Variants in EXOC5 observed in about 807,000 individuals in gnomAD.
EXOC5 encodes the protein exocyst complex component 5, also known as SEC10-like 1.
Under a neutral mutation model 90.8 loss-of-function variants are expected in EXOC5, and 17 were observed. The observed-to-expected ratio is 0.19, with a 90% CI of 0.13 to 0.28. EXOC5 has a LOEUF of 0.28. Among genes scored for constraint, EXOC5 ranks in the 10% least tolerant of loss-of-function variants. The pLI is 1.00. For missense variants in EXOC5, 569 were observed against 830.6 expected, an observed-to-expected ratio of 0.69 and a Z score of 3.87; for synonymous variants, 260 against 270.0, an observed-to-expected ratio of 0.96 and a Z score of 0.36.
intron 1 of EXOC5, among the ~76,000 whole-genome samples, chr14:57,260,226 A>T (rs1328626663): frequency 6.6e-6 from 1 of 152,316 alleles, no homozygotes; most frequent in Middle Eastern, 3.4e-3. Context: ...TTAAAAAAGC[A>T]CCACAAAATA....
Position 57,249,409 on chromosome 14 carries a change from T to C in EXOC5, c.28-1697A>G, listed in dbSNP as rs552342986. ...AATCATAGTTTTCAATTAAACACGT[T>C]ATACTGTTCATCAATTTTAATATAT... On this transcript the variant is annotated intron_variant, in intron 1 of 17. Transcript: ENST00000621441. Among the ~76,000 whole-genome samples, 4 of 146,834 alleles carry C rather than the reference T, an allele frequency of 2.7e-5. No homozygotes were observed. The South Asian group carries it at 6.3e-4, about 23-fold the overall frequency.
intron 16 of EXOC5, 35 bp from the exon 17 acceptor site, chr14:57,209,817 T>A: frequency 6.9e-7 from 1 of 1,444,912 alleles, no homozygotes. Context: ...TACACAGGAA[T>A]GTATACCAGC....
At chr14:57,246,673 G>A in intron 3 of EXOC5, 38 bp downstream of exon 3, 2 of 1,530,488 alleles carry the variant, frequency 1.3e-6, no homozygotes, top group Non-Finnish European at 1.8e-6. Context: ...AGATATTATA[G>A]CCTATATAAA....
intron 15 of EXOC5, among the ~76,000 whole-genome samples, chr14:57,215,586 G>GA (rs372125020): frequency 0.011 from 1,518 of 142,154 alleles, 23 homozygotes; most frequent in African/African-American, 0.033. Context: ...CTGATGATGT[G>GA]AAAAAAAAAA....
chr14:57,241,317 C>G (rs1440238942), intron 4 of EXOC5, among the ~76,000 whole-genome samples: 2 of 152,168 alleles, frequency 1.3e-5, no homozygotes, highest in East Asian at 3.8e-4. Flanking sequence ...TTTTCAACTA[C>G]CAAACACTCA....
rs1882703224 is a variant in EXOC5 at position 57,207,776 on chromosome 14, T to C, written c.*833A>G. 1 of 152,104 alleles carries C rather than the reference T, an allele frequency of 6.6e-6. No individual in the cohort carries two copies. Among genetic ancestry groups the C allele is most frequent in the Non-Finnish European group, 1.5e-5 (1 of 67,994 alleles). The allele number at this position is 152,104 out of a possible 1,614,324, so 9.4% of individuals were successfully genotyped here. A position where few individuals can be genotyped will look rare whatever the true frequency, so the allele number is the denominator to read the frequency against. On this transcript the variant is annotated 3_prime_UTR_variant, in exon 18 of 18. Coordinates refer to ENST00000621441, the MANE Select transcript of EXOC5 (RefSeq NM_006544.4). ...CCATTTAGACTATACCTCACTTTTT[T>C]TTACTTCCCTTATAATATTAAAATA...
intron 15 of EXOC5, among the ~76,000 whole-genome samples, chr14:57,215,412 T>TAAAA (rs3048723): frequency 2.1e-5 from 3 of 144,960 alleles, no homozygotes; most frequent in African/African-American, 7.5e-5. Context: ...AATAAAGATG[T>TAAAA]AAAAAAAAAA....
chr14:57,244,627 T>TA (rs995863089), intron 3 of EXOC5, among the ~76,000 whole-genome samples: 1 of 152,042 alleles, frequency 6.6e-6, no homozygotes, highest in African/African-American at 2.4e-5. Context: ...CATCCTGTTT[T>TA]AAAAAAACAC....
Position 57,246,805 on chromosome 14 carries a change from C to T in EXOC5, c.176G>A (p.Arg59Lys), listed in dbSNP as rs749602548. ...HIQELQIMDE[R>K]IQRKVEKLEQ... ...TAGTTTCTCTACTTTCCTCTGAATC[C>T]TTTCATCCATTATCTGGAGTTCCTG... The change falls in exon 3 of 18, where the codon AGG (arginine) becomes AAG (lysine). Residue 59 changes from arginine to lysine, a missense_variant. Around this residue, in one of 9 missense-constraint regions of EXOC5, gnomAD observed 45 missense variants for 44.6 expected, o/e 1.01. Coordinates refer to ENST00000621441, the MANE Select transcript of EXOC5 (RefSeq NM_006544.4). The T allele has an allele frequency of 1.2e-6, 2 of 1,602,044 alleles. No homozygotes were observed. The highest frequency in any genetic ancestry group is 1.7e-6 in the Non-Finnish European group (2 of 1,172,242).
chr14:57,262,432 C>T (rs1401791723), intron 1 of EXOC5, among the ~76,000 whole-genome samples: 2 of 151,794 alleles, frequency 1.3e-5, no homozygotes, highest in Non-Finnish European at 2.9e-5. Context: ...TCCTAAACTG[C>T]TATGTCTAAC....
At chr14:57,252,391 A>C (rs1884221811) in intron 1 of EXOC5, among the ~76,000 whole-genome samples, 1 of 152,178 alleles carries the variant, frequency 6.6e-6, no homozygotes, top group South Asian at 2.1e-4. Flanking sequence ...TACAAACTAT[A>C]CATCTGATAA....
intron 1 of EXOC5, among the ~76,000 whole-genome samples, chr14:57,262,060 T>C (rs1438920797): frequency 4.6e-5 from 7 of 152,164 alleles, no homozygotes; most frequent in Non-Finnish European, 8.8e-5. Context: ...AATCTCCTAC[T>C]TCTTGGATCA....
At position 57,268,753 on chromosome 14, in the gene EXOC5, G is replaced by A. The variant is rs1328696409; in HGVS notation, c.-105C>T. The A allele has an allele frequency of 6.8e-7, 1 of 1,469,984 alleles. No individual in the cohort carries two copies. 91.1% of individuals were successfully genotyped at this position (1,469,984 alleles called of 1,614,324 possible). A position where few individuals can be genotyped will look rare whatever the true frequency, so the allele number is the denominator to read the frequency against. ...GTCTCCGCTCGGCTCGCCAGCTCCG[G>A]CTCCGGGCCGCTGCGGGCTCCCCAG... On this transcript the variant is annotated 5_prime_UTR_variant, in exon 1 of 18. Coordinates refer to ENST00000621441, the MANE Select transcript of EXOC5 (RefSeq NM_006544.4).
chr14:57,257,705 T>A (rs1884392364), intron 1 of EXOC5, among the ~76,000 whole-genome samples: 1 of 151,966 alleles, frequency 6.6e-6, no homozygotes, highest in Non-Finnish European at 1.5e-5. Context: ...AATAAAAATT[T>A]AAAAATTCTG....
intron 1 of EXOC5, among the ~76,000 whole-genome samples, chr14:57,262,575 T>C (rs994866120): frequency 3.4e-5 from 5 of 147,618 alleles, no homozygotes; most frequent in African/African-American, 5.0e-5. Context: ...TATATATATA[T>C]ACGTATATAT....
At chr14:57,242,069 G>C (rs368018436) in intron 4 of EXOC5, among the ~76,000 whole-genome samples, 6 of 149,846 alleles carry the variant, frequency 4.0e-5, no homozygotes, top group Non-Finnish European at 8.9e-5. Context: ...GGAGGCGGAG[G>C]TTGCAGTGAG....
intron 1 of EXOC5, among the ~76,000 whole-genome samples, chr14:57,249,122 G>T (rs1047137615): frequency 1.3e-5 from 2 of 151,998 alleles, no homozygotes; most frequent in Non-Finnish European, 2.9e-5. Flanking sequence ...TATGTGCCAG[G>T]CATTGCCTAG....
chr14:57,225,195 AAAG>A (rs1489132097), intron 12 of EXOC5, among the ~76,000 whole-genome samples: 1 of 152,244 alleles, frequency 6.6e-6, no homozygotes, highest in Non-Finnish European at 1.5e-5. Context: ...GGAGTTTATC[AAAG>A]AAGAAATGCA....
intron 1 of EXOC5, among the ~76,000 whole-genome samples, chr14:57,256,583 T>A (rs541895374): frequency 2.6e-5 from 4 of 152,170 alleles, no homozygotes; most frequent in African/African-American, 9.7e-5. Context: ...AGTCTAATAG[T>A]GGAACAAGGG....
Sources: allele counts gnomAD v4.1 joint callset (sites outside exome capture counted in the v4.1 genomes callset), GRCh38; gene constraint gnomAD v4.1.1; regional missense constraint gnomAD v4.1.1; transcripts MANE v1.5; gene names NCBI Gene and HGNC (gene_info 2026-07-23, HGNC 2026-07-21).